IQUB: variants seen among roughly 807,000 people sequenced by gnomAD.
IQUB encodes the protein IQ motif and ubiquitin domain containing, also known as IQ motif and ubiquitin-like domain-containing protein.
In IQUB, 86 loss-of-function variants were observed where a neutral mutation model predicts 86.4. That is an observed-to-expected ratio of 1.00 (90% CI 0.84 to 1.19). The LOEUF is 1.19. Ranked by LOEUF, IQUB falls within the 50% of genes most tolerant of loss-of-function variation. IQUB has a pLI of 0.00. For missense variants in IQUB, 946 were observed against 916.9 expected (o/e 1.03, Z -0.41); for synonymous variants, 289 against 304.5 (o/e 0.95, Z 0.53).
intron 10 of IQUB, among the ~76,000 whole-genome samples, chr7:123,462,262 T>C (rs1563428955): frequency 6.6e-6 from 1 of 151,734 alleles, no homozygotes; most frequent in African/African-American, 2.4e-5. Flanking sequence ...TCCATGAAAG[T>C]AAAGATCAAG....
At chr7:123,489,852 C>A (rs1795380951) in intron 7 of IQUB, among the ~76,000 whole-genome samples, 1 of 151,606 alleles carries the variant, frequency 6.6e-6, no homozygotes, top group Non-Finnish European at 1.5e-5. Flanking sequence ...TAAGAATTAT[C>A]CAGAATTTAT....
rs1020128919 is a variant in IQUB, at chr7:123,512,012, G to C, written c.329C>G (p.Ala110Gly). 6.2e-7 allele frequency: 1 copy of C among 1,612,626 alleles called. No individual in the cohort carries two copies. The highest frequency in any genetic ancestry group is 1.3e-5 in the African/African-American group (1 of 74,880). Residue 110 changes from alanine to glycine, a missense_variant, in exon 2 of 13, where the codon GCA (alanine) becomes GGA (glycine). Physicochemically the swap from Ala to Gly is moderately conservative, Grantham distance 60. Coordinates refer to ENST00000324698, the MANE Select transcript of IQUB (RefSeq NM_178827.5). Reference protein sequence around the residue: ...AMQRPNDDSLAFLDKIKSVKE... With the variant: ...AMQRPNDDSLGFLDKIKSVKE... ...TACAGACTTTATTTTATCCAGAAAT[G>C]CCAAACTATCATCATTTGGCCTCTG...
At chr7:123,533,689 CCAATCACAGAAGAGTATGCA>C (rs1797643268) in intron 1 of IQUB, among the ~76,000 whole-genome samples, 1 of 152,086 alleles carries the variant, frequency 6.6e-6, no homozygotes, top group Admixed American at 6.5e-5. Flanking sequence ...AGTGTAAAAG[CCAATCACAGAAGAGTATGCA>C]CAATGTTACA....
intron 7 of IQUB, among the ~76,000 whole-genome samples, chr7:123,495,057 T>A (rs1795648631): frequency 1.3e-5 from 2 of 152,162 alleles, no homozygotes; most frequent in African/African-American, 2.4e-5. Context: ...TGGCTAACGA[T>A]GTTCTCTATT....
intron 11 of IQUB, among the ~76,000 whole-genome samples, chr7:123,460,380 T>C (rs1793923847): frequency 6.6e-6 from 1 of 151,660 alleles, no homozygotes; most frequent in Non-Finnish European, 1.5e-5. Flanking sequence ...TTAGAAGAAT[T>C]TTTTAACAAA....
chr7:123,464,124 A>G (rs1310860236), intron 10 of IQUB, among the ~76,000 whole-genome samples: 3 of 151,854 alleles, frequency 2.0e-5, no homozygotes, highest in Non-Finnish European at 2.9e-5. Context: ...AACTGAATAT[A>G]ATCATTGAAA....
At position 123,457,485 on chromosome 7, in the gene IQUB, C is replaced by A; in HGVS notation, c.2089G>T (p.Val697Phe). Residue 697 changes from valine (V) to phenylalanine (F), a missense_variant, in exon 12 of 13, where the codon GTC becomes TTC. Coordinates refer to ENST00000324698, the MANE Select transcript of IQUB (RefSeq NM_178827.5). ...LSACDNLSDL[V>F]MVRWNKSLEW... ...AGGGATTTATTCCATCTGACCATGA[C>A]CAGATCACTGAGATTGTCGCAAGCA... The A allele has an allele frequency of 6.2e-7, 1 of 1,611,216 alleles. No individual in the cohort carries two copies. Among genetic ancestry groups the A allele is most frequent in the Non-Finnish European group, 8.5e-7 (1 of 1,178,654 alleles).
At chr7:123,502,800 C>T (rs780569725) in intron 5 of IQUB, 48 bp from the exon 6 acceptor site, 5 of 1,402,376 alleles carry the variant, frequency 3.6e-6, no homozygotes, top group African/African-American at 1.5e-5. Flanking sequence ...TATATATATA[C>T]ATAAGGGAGT....
At chr7:123,462,418 C>CTT (rs1225856995) in intron 10 of IQUB, among the ~76,000 whole-genome samples, 13 of 151,726 alleles carry the variant, frequency 8.6e-5, no homozygotes, top group African/African-American at 3.1e-4. Flanking sequence ...TAATGTTTTA[C>CTT]TTTGTTCTGA....
chr7:123,482,006 G>A (rs1795029586), intron 7 of IQUB, among the ~76,000 whole-genome samples: 1 of 151,852 alleles, frequency 6.6e-6, no homozygotes. Context: ...CACGAAAGGT[G>A]AAATTTAAAC....
At chr7:123,487,678 G>A (rs1012643014) in intron 7 of IQUB, among the ~76,000 whole-genome samples, 3 of 152,278 alleles carry the variant, frequency 2.0e-5, no homozygotes, top group East Asian at 3.9e-4. Context: ...CACCGATAGA[G>A]CAAGTAAAGT....
chr7:123,528,100 T>C (rs1797346543), intron 1 of IQUB, among the ~76,000 whole-genome samples: 1 of 152,206 alleles, frequency 6.6e-6, no homozygotes, highest in Non-Finnish European at 1.5e-5. Context: ...TGTCACCACT[T>C]TCTTTGACTA....
intron 1 of IQUB, among the ~76,000 whole-genome samples, chr7:123,530,366 GC>G (rs1438666498): frequency 6.6e-6 from 1 of 150,396 alleles, no homozygotes; most frequent in East Asian, 2.0e-4. Flanking sequence ...AACCTGGAAG[GC>G]GGAGGTTGCA....
intron 3 of IQUB, among the ~76,000 whole-genome samples, chr7:123,504,375 G>T (rs368071331): frequency 2.0e-5 from 3 of 152,052 alleles, no homozygotes; most frequent in Admixed American, 2.0e-4. Context: ...ACTTAAACCC[G>T]GGAGGAAGAG....
At chr7:123,517,091 G>C (rs1386024656) in intron 1 of IQUB, among the ~76,000 whole-genome samples, 1 of 152,138 alleles carries the variant, frequency 6.6e-6, no homozygotes, top group Non-Finnish European at 1.5e-5. Context: ...TACACACAGT[G>C]GGTTTGCATC....
In IQUB at chr7:123,461,404, T is replaced by A. The variant is rs1313783115; in HGVS notation, c.1960A>T (p.Thr654Ser). 11 of 1,611,796 alleles carry A rather than the reference T, an allele frequency of 6.8e-6. No homozygotes were observed. Among genetic ancestry groups the A allele is most frequent in the Non-Finnish European group, 9.3e-6 (11 of 1,178,562 alleles). Residue 654 changes from threonine (T) to serine (S), a missense_variant, in exon 11 of 13, where the codon ACA becomes TCA. Transcript: ENST00000324698. ...YKCLLQQLYY[T>S]EADYEDDSKI... ...GAATCATCTTCATAATCAGCTTCTGTATAGTAGAGCTGTTGAAGTAAACAT... is the reference window on the plus strand; with the variant it reads ...GAATCATCTTCATAATCAGCTTCTGAATAGTAGAGCTGTTGAAGTAAACAT...
chr7:123,464,807 G>A lies in IQUB; in HGVS notation c.1758+26C>T, dbSNP rs757471832. On this transcript the variant is annotated intron_variant, in intron 10 of 12. Transcript: ENST00000324698. ...TACCACATCTTAGGATTTTGAAACA[G>A]GAATATAGAGAAAAATGTAGAATAC... The A allele has an allele frequency of 6.8e-6, 10 of 1,469,622 alleles. No homozygotes were observed. The African/African-American group carries it at 1.2e-4, about 17-fold the overall frequency. 91.0% of individuals were successfully genotyped at this position (1,469,622 alleles called of 1,614,324 possible).
At chr7:123,475,912 A>G (rs1794728524) in intron 8 of IQUB, among the ~76,000 whole-genome samples, 2 of 152,348 alleles carry the variant, frequency 1.3e-5, no homozygotes, top group East Asian at 1.9e-4. Flanking sequence ...AGAAGTATGA[A>G]TATTATAGCT....
rs73720265 is a variant in IQUB, at chr7:123,497,652, C to T, written c.1024-746G>A. On this transcript the variant is annotated intron_variant, in intron 6 of 12. Transcript: ENST00000324698. ...AAATAAAAATAAAATGTGAAGAGGC[C>T]GGATCAAGACTGATGATAGAGCTTA... Among the ~76,000 whole-genome samples the T allele has an allele frequency of 7.0e-3, 1,048 of 150,714 alleles. 13 individuals are homozygous for T. Among genetic ancestry groups the T allele is most frequent in the African/African-American group, 0.024 (997 of 40,990 alleles).
Sources: gnomAD v4.1 joint callset for allele counts (sites outside exome capture counted in the v4.1 genomes callset) on GRCh38, gnomAD v4.1.1 for gene constraint, MANE v1.5 for transcripts, NCBI Gene and HGNC (gene_info 2026-07-23, HGNC 2026-07-21) for gene names.